Variants in CRADD observed in about 807,000 individuals in gnomAD.
CRADD encodes the protein CARD and death domain containing adaptor protein.
Under a neutral mutation model 15.5 loss-of-function variants are expected in CRADD, and 9 were observed. The observed-to-expected ratio is 0.58, with a 90% confidence interval of 0.35 to 1.01. The LOEUF is 1.01. CRADD is among the 50% of genes least tolerant of loss of function. The pLI, the probability that CRADD is intolerant of heterozygous loss-of-function variation, is 0.02. For synonymous variants in CRADD, 118 were observed against 107.6 expected (o/e 1.10, Z -0.60); for missense variants, 227 against 250.3 (o/e 0.91, Z 0.63).
intron 2 of CRADD, among the ~76,000 whole-genome samples, chr12:93,807,306 T>C (rs1957550251): frequency 6.6e-6 from 1 of 152,112 alleles, no homozygotes; most frequent in Non-Finnish European, 1.5e-5. Context: ...CACAGAGGGA[T>C]GAACAAGGCA....
At chr12:93,811,055 C>G (rs11107198) in intron 2 of CRADD, among the ~76,000 whole-genome samples, 3,201 of 152,152 alleles carry the variant, frequency 0.021, 62 homozygotes, top group East Asian at 0.073. Context: ...CCTTAGCCCC[C>G]CCTCCTGGAA....
chr12:93,804,178 T>A (rs1301504809), intron 2 of CRADD, among the ~76,000 whole-genome samples: 1 of 152,140 alleles, frequency 6.6e-6, no homozygotes, highest in Non-Finnish European at 1.5e-5. Context: ...TACATACATC[T>A]GTAGAGTAGG....
intron 2 of CRADD, among the ~76,000 whole-genome samples, chr12:93,724,835 AAC>A (rs1956325137): frequency 6.6e-6 from 1 of 151,666 alleles, no homozygotes; most frequent in South Asian, 2.1e-4. Context: ...ATCTGTAAAG[AAC>A]AGACTTATTA....
chr12:93,820,626 G>A (rs1205196827), intron 2 of CRADD, among the ~76,000 whole-genome samples: 1 of 152,102 alleles, frequency 6.6e-6, no homozygotes, highest in Non-Finnish European at 1.5e-5. Context: ...TGCAGCCCAG[G>A]GGCCAGATTT....
chr12:93,810,689 G>C (rs531160228), intron 2 of CRADD, among the ~76,000 whole-genome samples: 1 of 151,100 alleles, frequency 6.6e-6, no homozygotes, highest in Non-Finnish European at 1.5e-5. Flanking sequence ...TGTGAAACGG[G>C]CTCCATGTCA....
intron 2 of CRADD, among the ~76,000 whole-genome samples, chr12:93,892,565 C>T (rs1370185821): frequency 6.6e-6 from 1 of 151,938 alleles, no homozygotes; most frequent in Non-Finnish European, 1.5e-5. Flanking sequence ...CTCCCCTAAT[C>T]TCCCTTCAAG....
chr12:93,754,862 T>G (rs1287768916), intron 2 of CRADD, among the ~76,000 whole-genome samples: 1 of 152,116 alleles, frequency 6.6e-6, no homozygotes, highest in East Asian at 1.9e-4. Flanking sequence ...CGCTTCCACA[T>G]TTTTGGGTAT....
intron 2 of CRADD, among the ~76,000 whole-genome samples, chr12:93,764,731 TG>T (rs1467572600): frequency 1.0e-5 from 1 of 99,578 alleles, no homozygotes; most frequent in African/African-American, 4.1e-5. Flanking sequence ...ATCATATTTT[TG>T]GTTTTTTTTT....
At chr12:93,873,642 T>C (rs116371320) in intron 2 of CRADD, among the ~76,000 whole-genome samples, 1,533 of 152,252 alleles carry the variant, frequency 0.01, 30 homozygotes, top group African/African-American at 0.035. Flanking sequence ...TTTTATTATA[T>C]GCTTTTTCAG....
intron 2 of CRADD, among the ~76,000 whole-genome samples, chr12:93,729,237 T>A (rs1029111450): frequency 1.3e-5 from 2 of 152,230 alleles, no homozygotes; most frequent in Non-Finnish European, 2.9e-5. Flanking sequence ...AACTCTTTAA[T>A]GCCAGGGTGG....
intron 2 of CRADD, among the ~76,000 whole-genome samples, chr12:93,728,229 A>C (rs999280199): frequency 1.4e-4 from 22 of 152,254 alleles, no homozygotes; most frequent in African/African-American, 5.3e-4. Flanking sequence ...GCAGCTATCT[A>C]TAATTGATAA....
intron 2 of CRADD, among the ~76,000 whole-genome samples, chr12:93,893,432 A>T (rs1362465176): frequency 6.6e-6 from 1 of 152,148 alleles, no homozygotes; most frequent in East Asian, 1.9e-4. Flanking sequence ...TTCAAGGAAG[A>T]CTAGGGGAAA....
intron 2 of CRADD, among the ~76,000 whole-genome samples, chr12:93,777,012 A>G (rs1266483092): frequency 6.6e-6 from 1 of 152,226 alleles, no homozygotes; most frequent in Non-Finnish European, 1.5e-5. Context: ...CATACTTTAA[A>G]TGGGTGAATT....
intron 2 of CRADD, among the ~76,000 whole-genome samples, chr12:93,805,593 TAAATAA>T (rs1254211405): frequency 1.3e-5 from 2 of 151,762 alleles, no homozygotes; most frequent in African/African-American, 4.8e-5. Context: ...AATAAATAAA[TAAATAA>T]AAATAAAAAT....
chr12:93,873,909 T>C (rs1348323206), intron 2 of CRADD, among the ~76,000 whole-genome samples: 1 of 152,020 alleles, frequency 6.6e-6, no homozygotes, highest in African/African-American at 2.4e-5. Flanking sequence ...TGTGCGTGTG[T>C]GTCTGTGTGT....
At chr12:93,783,951 G>C (rs10777544) in intron 2 of CRADD, among the ~76,000 whole-genome samples, 61,486 of 151,950 alleles carry the variant, frequency 0.4, 13,694 homozygotes, top group East Asian at 0.8. Context: ...GTCATGCTCT[G>C]GATGTCAGAA....
At chr12:93,821,932 A>G (rs1957773705) in intron 2 of CRADD, among the ~76,000 whole-genome samples, 1 of 152,078 alleles carries the variant, frequency 6.6e-6, no homozygotes, top group Non-Finnish European at 1.5e-5. Flanking sequence ...AGCCTTGCCA[A>G]CATGGTGAAA....
intron 2 of CRADD, among the ~76,000 whole-genome samples, chr12:93,787,016 G>A (rs1003253993): frequency 5.9e-5 from 9 of 151,980 alleles, no homozygotes; most frequent in African/African-American, 1.9e-4. Flanking sequence ...TTGTGTATGA[G>A]TCCACTTTGA....
At chr12:93,774,000 AT>A (rs112039885) in intron 2 of CRADD, among the ~76,000 whole-genome samples, 137 of 131,808 alleles carry the variant, frequency 1.0e-3, no homozygotes, top group Middle Eastern at 7.4e-3. Context: ...CACCTGGCTA[AT>A]TTTTTTTTTT....
Sources: gnomAD v4.1 joint callset for allele counts (sites outside exome capture counted in the v4.1 genomes callset) on GRCh38, gnomAD v4.1.1 for gene constraint, MANE v1.5 for transcripts, NCBI Gene and HGNC (gene_info 2026-07-23, HGNC 2026-07-21) for gene names.